The following PSD3 variants were observed in gnomAD, a reference collection of about 807,000 sequenced individuals.
PSD3 encodes pleckstrin and Sec7 domain containing 3.
In PSD3, 49 loss-of-function variants were observed where a neutral mutation model predicts 105.5. The observed-to-expected ratio is 0.46, with a 90% CI of 0.37 to 0.59. The LOEUF (loss-of-function observed/expected upper bound fraction) is 0.59. Ranked by LOEUF, PSD3 falls within the 20% of genes least tolerant of loss-of-function variation. The probability of loss-of-function intolerance (pLI) is 0.00; values close to 1 mark genes in which losing one functional copy is unlikely to be tolerated. For missense variants in PSD3, 1,561 were observed against 1,263.8 expected, an observed-to-expected ratio of 1.24 and a Z score of -3.57; for synonymous variants, 557 against 457.8, an observed-to-expected ratio of 1.22 and a Z score of -2.77.
At chr8:19,062,103 C>A (rs1302086566) in intron 1 of PSD3, among the ~76,000 whole-genome samples, 2 of 152,190 alleles carry the variant, frequency 1.3e-5, no homozygotes, top group Non-Finnish European at 2.9e-5. Flanking sequence ...GCACCTAGTT[C>A]ATCCAGAACA....
rs1046850725 is a variant in PSD3, at chr8:18,601,219, T to C, written c.2411-785A>G. Among the ~76,000 whole-genome samples, 14 of 152,344 alleles carry C rather than the reference T, an allele frequency of 9.2e-5. No homozygotes were observed. The East Asian group carries it at 2.7e-3, about 29-fold the overall frequency. On this transcript the variant is annotated intron_variant, in intron 11 of 15. Coordinates refer to ENST00000327040, the MANE Select transcript of PSD3 (RefSeq NM_015310.4). ...GAATTCTCTACTGACTTGTATAAACTCTTACAAATTGTTCTAAAGCAAAAA... is the reference window on the plus strand; with the variant it reads ...GAATTCTCTACTGACTTGTATAAACCCTTACAAATTGTTCTAAAGCAAAAA...
intron 1 of PSD3, among the ~76,000 whole-genome samples, chr8:19,026,872 C>A (rs1827572401): frequency 6.6e-6 from 1 of 151,618 alleles, no homozygotes; most frequent in Non-Finnish European, 1.5e-5. Flanking sequence ...AGAGCCTGCC[C>A]CCCCACCCAA....
chr8:18,609,187 A>G (rs1469531905), intron 11 of PSD3, among the ~76,000 whole-genome samples: 1 of 152,170 alleles, frequency 6.6e-6, no homozygotes, highest in East Asian at 1.9e-4. Flanking sequence ...TATTCCCCTC[A>G]GAGTAGAGAG....
chr8:18,931,351 A>T (rs1454266214), intron 2 of PSD3, among the ~76,000 whole-genome samples: 1 of 152,154 alleles, frequency 6.6e-6, no homozygotes, highest in Non-Finnish European at 1.5e-5. Flanking sequence ...GGTAATTTTT[A>T]AAAAACTGAC....
intron 15 of PSD3, among the ~76,000 whole-genome samples, chr8:18,541,356 T>C: frequency 6.6e-6 from 1 of 152,068 alleles, no homozygotes. Context: ...AAAATATATT[T>C]TGAACTCGTA....
At chr8:18,651,315 T>C (rs1054590546) in intron 10 of PSD3, among the ~76,000 whole-genome samples, 8 of 152,234 alleles carry the variant, frequency 5.3e-5, no homozygotes, top group Non-Finnish European at 8.8e-5. Flanking sequence ...TCTCCGGTTC[T>C]AACACTCAAT....
chr8:18,919,852 G>T (rs1242020378), intron 2 of PSD3, among the ~76,000 whole-genome samples: 1 of 121,362 alleles, frequency 8.2e-6, no homozygotes, highest in African/African-American at 3.1e-5. Flanking sequence ...GACTGTGGTG[G>T]GGTGGGGGGA....
intron 14 of PSD3, among the ~76,000 whole-genome samples, chr8:18,568,113 G>C (rs7817552): frequency 0.17 from 25,296 of 152,014 alleles, 2,356 homozygotes; most frequent in East Asian, 0.37. Flanking sequence ...AGCAGATGCT[G>C]ATGCCATGCT....
chr8:18,753,912 A>G (rs566619231), intron 9 of PSD3, among the ~76,000 whole-genome samples: 1 of 152,246 alleles, frequency 6.6e-6, no homozygotes, highest in South Asian at 2.1e-4. Flanking sequence ...CCTCTCTTCA[A>G]AACAACTCCA....
At chr8:18,628,258 TAAAG>T (rs1055201634) in intron 11 of PSD3, among the ~76,000 whole-genome samples, 70 of 151,454 alleles carry the variant, frequency 4.6e-4, no homozygotes, top group African/African-American at 1.7e-3. Flanking sequence ...AAGGAAAACA[TAAAG>T]AAAATCACAC....
chr8:18,877,187 G>A (rs556915012), intron 2 of PSD3, among the ~76,000 whole-genome samples: 10 of 152,198 alleles, frequency 6.6e-5, no homozygotes, highest in African/African-American at 1.4e-4. Context: ...CAAATTATCC[G>A]TTTTTCCTTT....
rs547511377 is a variant in PSD3 at position 18,556,483 on chromosome 8, C to A, written c.2785-131G>T. 368 of 876,462 alleles carry A rather than the reference C, an allele frequency of 4.2e-4. 4 individuals are homozygous for A. In the South Asian group the frequency reaches 6.2e-3, roughly 15 times the overall value. The allele number at this position is 876,462 out of a possible 1,614,324, so 54.3% of individuals were successfully genotyped here. ...AAAACAGCCCAATGTGCCTCTGCTG[C>A]CACATCCTTCCAGCTTTCTCACGCC... On this transcript the variant is annotated intron_variant, in intron 14 of 15. Coordinates refer to ENST00000327040, the MANE Select transcript of PSD3 (RefSeq NM_015310.4).
At chr8:18,671,270 T>C (rs7831038) in intron 9 of PSD3, among the ~76,000 whole-genome samples, 4,391 of 152,280 alleles carry the variant, frequency 0.029, 206 homozygotes, top group African/African-American at 0.099. Context: ...TTGGTGTAGG[T>C]TGAAAGTTAC....
intron 9 of PSD3, among the ~76,000 whole-genome samples, chr8:18,705,063 G>A (rs1801807779): frequency 1.3e-5 from 2 of 152,064 alleles, no homozygotes; most frequent in South Asian, 4.1e-4. Flanking sequence ...CCCAGAAATA[G>A]TATGGAACAC....
intron 1 of PSD3, among the ~76,000 whole-genome samples, chr8:19,052,814 A>G (rs1480844342): frequency 2.6e-5 from 4 of 151,174 alleles, no homozygotes; most frequent in Non-Finnish European, 5.9e-5. Context: ...GGTGCCCCCA[A>G]GACTTGAAAA....
At chr8:18,802,642 A>C (rs1349167391) in intron 6 of PSD3, among the ~76,000 whole-genome samples, 2 of 152,158 alleles carry the variant, frequency 1.3e-5, no homozygotes, top group Non-Finnish European at 2.9e-5. Flanking sequence ...ACGATAAATC[A>C]CTGCAGTACT....
chr8:18,731,761 G>A (rs1803767752), intron 9 of PSD3, among the ~76,000 whole-genome samples: 1 of 152,206 alleles, frequency 6.6e-6, no homozygotes, highest in South Asian at 2.1e-4. Context: ...AATAAAACTA[G>A]GTAACTACCT....
At chr8:18,757,760 A>T (rs1034412352) in intron 9 of PSD3, among the ~76,000 whole-genome samples, 6 of 152,196 alleles carry the variant, frequency 3.9e-5, no homozygotes, top group Non-Finnish European at 8.8e-5. Flanking sequence ...GACAATAAAC[A>T]TAGGATCATG....
At chr8:18,645,018 G>A (rs142404734) in intron 10 of PSD3, among the ~76,000 whole-genome samples, 52 of 152,304 alleles carry the variant, frequency 3.4e-4, no homozygotes, top group Admixed American at 6.5e-4. Flanking sequence ...TCAAGAAAGC[G>A]CAAGAGAGCG....
Sources: gnomAD v4.1 joint callset for allele counts (sites outside exome capture counted in the v4.1 genomes callset) on GRCh38, gnomAD v4.1.1 for gene constraint, MANE v1.5 for transcripts, NCBI Gene and HGNC (gene_info 2026-07-23, HGNC 2026-07-21) for gene names.